Variants in GPHN observed in about 807,000 individuals in gnomAD.
GPHN encodes gephyrin.
GPHN carries 17 observed loss-of-function variants against 95.5 expected under a neutral mutation model. The observed-to-expected ratio is 0.18, with a 90% CI of 0.12 to 0.27. The LOEUF (loss-of-function observed/expected upper bound fraction) is 0.27. Ranked by LOEUF, GPHN falls within the 10% of genes least tolerant of loss-of-function variation. The probability of loss-of-function intolerance (pLI) is 1.00; values close to 1 mark genes in which losing one functional copy is unlikely to be tolerated. For synonymous variants in GPHN, 320 were observed against 322.5 expected (o/e 0.99, Z 0.08); for missense variants, 660 against 978.1 (o/e 0.67, Z 4.34).
the GPHN span, chr14:67,272,125 T>A: frequency 8.6e-5 from 13 of 151,952 alleles, no homozygotes; most frequent in Non-Finnish European, 1.8e-4. Flanking sequence ...GGGTAAATAA[T>A]TAAATTTGTA....
chr14:66,715,719 C>A (rs138615802), intron 2 of GPHN, among the ~76,000 whole-genome samples: 1 of 152,054 alleles, frequency 6.6e-6, no homozygotes, highest in Admixed American at 6.6e-5. Flanking sequence ...AAATTTCCAT[C>A]TTGATTATAT....
chr14:66,627,890 A>G (rs2063583113), intron 1 of GPHN, among the ~76,000 whole-genome samples: 1 of 152,138 alleles, frequency 6.6e-6, no homozygotes, highest in Non-Finnish European at 1.5e-5. Context: ...TAGTTTTATT[A>G]AAGAAATCTC....
At chr14:67,374,513 T>C in the GPHN span, 2 of 1,608,314 alleles carry the variant, frequency 1.2e-6, no homozygotes, top group East Asian at 2.2e-5. Context: ...GAGGAAGCAA[T>C]CAAATGTGAA....
At chr14:67,091,305 A>G (rs1005922130) in intron 12 of GPHN, among the ~76,000 whole-genome samples, 2 of 151,894 alleles carry the variant, frequency 1.3e-5, no homozygotes, top group Admixed American at 6.6e-5. Flanking sequence ...GATTCCTTCT[A>G]CAGTGTTGAT....
At chr14:67,651,436 C>G in the GPHN span, 3 of 1,614,044 alleles carry the variant, frequency 1.9e-6, no homozygotes, top group Non-Finnish European at 2.5e-6. Context: ...GGATGGCGAG[C>G]TCCAGTAAGA....
chr14:66,962,350 A>T (rs2069013395), intron 8 of GPHN, among the ~76,000 whole-genome samples: 1 of 147,782 alleles, frequency 6.8e-6, no homozygotes, highest in Non-Finnish European at 1.5e-5. Context: ...TTTTTTTTTA[A>T]GATTGGGGCA....
At chr14:66,544,698 C>G (rs1393568390) in intron 1 of GPHN, among the ~76,000 whole-genome samples, 3 of 151,570 alleles carry the variant, frequency 2.0e-5, no homozygotes, top group Non-Finnish European at 2.9e-5. Flanking sequence ...AACAAGTGAA[C>G]AAAGGTCTCT....
chr14:67,196,343 A>C, the GPHN span, among the ~76,000 whole-genome samples: 1 of 151,716 alleles, frequency 6.6e-6, no homozygotes, highest in African/African-American at 2.4e-5. Context: ...CAGTCTCCCG[A>C]ATAGCTGGGA....
At chr14:67,678,488 T>C in the GPHN span, 2 of 1,098,354 alleles carry the variant, frequency 1.8e-6, no homozygotes, top group Non-Finnish European at 2.8e-6. Flanking sequence ...CTGCCAGGGA[T>C]AAGGAATATG....
the GPHN span, chr14:67,204,958 A>C: frequency 6.2e-7 from 1 of 1,604,356 alleles, no homozygotes; most frequent in Non-Finnish European, 8.5e-7. Flanking sequence ...CCCGGATGTA[A>C]GAATTGTCAC....
chr14:66,840,148 A>C (rs1280167663), intron 4 of GPHN, among the ~76,000 whole-genome samples: 4 of 152,028 alleles, frequency 2.6e-5, no homozygotes, highest in African/African-American at 9.7e-5. Flanking sequence ...GCATGATGAC[A>C]TGCCCCTGTA....
At chr14:66,638,225 G>A (rs1456241115) in intron 1 of GPHN, among the ~76,000 whole-genome samples, 1 of 152,026 alleles carries the variant, frequency 6.6e-6, no homozygotes, top group East Asian at 1.9e-4. Context: ...CTTGAGATCG[G>A]GAGTTCGAGA....
chr14:66,967,408 T>G (rs1479890146), intron 9 of GPHN, among the ~76,000 whole-genome samples: 1 of 151,902 alleles, frequency 6.6e-6, no homozygotes, highest in East Asian at 1.9e-4. Context: ...ACTAGGTGCT[T>G]TTATAAGTGC....
intron 3 of GPHN, among the ~76,000 whole-genome samples, chr14:66,777,970 C>A (rs2153462040): frequency 6.6e-6 from 1 of 152,142 alleles, no homozygotes; most frequent in South Asian, 2.1e-4. Flanking sequence ...GAAGTTCTGG[C>A]CAGGGCAATC....
chr14:66,890,070 A>G (rs2064395551), intron 5 of GPHN, among the ~76,000 whole-genome samples: 1 of 152,184 alleles, frequency 6.6e-6, no homozygotes, highest in Non-Finnish European at 1.5e-5. Flanking sequence ...ACAAAGAAAT[A>G]GAAAATCTGA....
the GPHN span, among the ~76,000 whole-genome samples, chr14:67,461,661 A>C: frequency 6.6e-6 from 1 of 152,090 alleles, no homozygotes; most frequent in African/African-American, 2.4e-5. Context: ...AAAAAAAAAA[A>C]CTAGAAACAA....
At chr14:67,347,503 T>TC in the GPHN span, 99 of 887,416 alleles carry the variant, frequency 1.1e-4, no homozygotes, top group Admixed American at 3.0e-4. Context: ...AAGTTCTCTC[T>TC]TTTTTTTTTT....
chr14:66,658,117 C>T (rs550642804), intron 1 of GPHN, among the ~76,000 whole-genome samples: 9 of 151,916 alleles, frequency 5.9e-5, no homozygotes, highest in Non-Finnish European at 1.0e-4. Flanking sequence ...TGGATCAGTT[C>T]GAGGGGTTTA....
chr14:67,147,167 GCCATCAGCTTT>G (rs1228517182), intron 18 of GPHN, among the ~76,000 whole-genome samples: 1 of 152,286 alleles, frequency 6.6e-6, no homozygotes, highest in Admixed American at 6.5e-5. Flanking sequence ...CTTTCCTGAA[GCCATCAGCTTT>G]GATACTACAT....
Sources: allele counts gnomAD v4.1 joint callset (sites outside exome capture counted in the v4.1 genomes callset), GRCh38; gene constraint gnomAD v4.1.1; transcripts MANE v1.5; gene names NCBI Gene and HGNC (gene_info 2026-07-23, HGNC 2026-07-21).